Variants in CACNA1E observed in about 807,000 individuals in gnomAD.
The protein encoded by CACNA1E is calcium voltage-gated channel subunit alpha1 E.
A neutral mutation model predicts 259.2 loss-of-function variants in CACNA1E; 40 were observed. That is an observed-to-expected ratio of 0.15 (90% CI 0.12 to 0.20). The LOEUF (loss-of-function observed/expected upper bound fraction) is 0.20. Ranked by LOEUF, CACNA1E falls within the 10% of genes least tolerant of loss-of-function variation. CACNA1E has a pLI of 1.00. For missense variants in CACNA1E, 1,874 were observed against 3,040.1 expected, an observed-to-expected ratio of 0.62 and a Z score of 9.02; for synonymous variants, 1,104 against 1,138.5, an observed-to-expected ratio of 0.97 and a Z score of 0.61.
intron 2 of CACNA1E, among the ~76,000 whole-genome samples, chr1:181,461,232 C>T (rs1661780049): frequency 6.6e-6 from 1 of 152,052 alleles, no homozygotes; most frequent in Non-Finnish European, 1.5e-5. Flanking sequence ...TGATAGTACC[C>T]CTGTGAGATA....
intron 7 of CACNA1E, among the ~76,000 whole-genome samples, chr1:181,677,889 G>C (rs1348417774): frequency 6.6e-6 from 1 of 152,076 alleles, no homozygotes; most frequent in East Asian, 1.9e-4. Flanking sequence ...TTTATTTGTG[G>C]GATAAAAACG....
chr1:181,682,174 C>T (rs556986375), intron 7 of CACNA1E, among the ~76,000 whole-genome samples: 1 of 152,318 alleles, frequency 6.6e-6, no homozygotes, highest in South Asian at 2.1e-4. Context: ...GACCCTTGCC[C>T]TTTGGAGTGC....
At chr1:181,367,380 A>G (rs936205045) in intron 1 of CACNA1E, among the ~76,000 whole-genome samples, 1 of 150,674 alleles carries the variant, frequency 6.6e-6, no homozygotes, top group African/African-American at 2.4e-5. Context: ...TTTTCCCAGG[A>G]CCTCCTGGAT....
chr1:181,719,966 T>C, intron 13 of CACNA1E, 103 bp downstream of exon 13: 2 of 780,760 alleles, frequency 2.6e-6, no homozygotes, highest in Non-Finnish European at 4.1e-6. Context: ...AGGGGGAAAG[T>C]ATCCCTTCCC....
rs1662636267 is a variant in CACNA1E at position 181,806,510 on chromosome 1, A to T, written c.*7676A>T. 6.6e-6 allele frequency: 1 copy of T among 152,156 alleles called. No individual in the cohort carries two copies. Among genetic ancestry groups the T allele is most frequent in the East Asian group, 1.9e-4 (1 of 5,194 alleles). The allele number at this position is 152,156 out of a possible 1,614,324, so 9.4% of individuals were successfully genotyped here. A position where few individuals can be genotyped will look rare whatever the true frequency, so the allele number is the denominator to read the frequency against. On this transcript the variant is annotated 3_prime_UTR_variant, in exon 48 of 48. Coordinates refer to ENST00000367573, the MANE Select transcript of CACNA1E (RefSeq NM_001205293.3). ...AAACGTGCAAGTCATGCCCCACAAG[A>T]CACCTCCTTAGGGCAGCATCCACTG...
At chr1:181,791,460 A>G (rs966382561) in intron 44 of CACNA1E, among the ~76,000 whole-genome samples, 1 of 152,172 alleles carries the variant, frequency 6.6e-6, no homozygotes, top group East Asian at 1.9e-4. Flanking sequence ...GTGACAGAGC[A>G]AGACTCCGTC....
chr1:181,531,951 G>A (rs535236291), intron 3 of CACNA1E, among the ~76,000 whole-genome samples: 1 of 152,224 alleles, frequency 6.6e-6, no homozygotes, highest in Non-Finnish European at 1.5e-5. Flanking sequence ...AGCTACTCAG[G>A]AGGCTGAGGC....
At chr1:181,704,362 A>G (rs1652580220) in intron 7 of CACNA1E, among the ~76,000 whole-genome samples, 1 of 152,172 alleles carries the variant, frequency 6.6e-6, no homozygotes, top group Admixed American at 6.5e-5. Flanking sequence ...ACTGAAATGA[A>G]ACCACTGCCA....
intron 7 of CACNA1E, among the ~76,000 whole-genome samples, chr1:181,656,400 T>TAAAAAGTA (rs1372856071): frequency 6.6e-6 from 1 of 151,924 alleles, no homozygotes; most frequent in Non-Finnish European, 1.5e-5. Flanking sequence ...CAAAAGATTT[T>TAAAAAGTA]AAAAAGTAAA....
At chr1:181,766,020 T>A (rs1388377407) in intron 34 of CACNA1E, among the ~76,000 whole-genome samples, 2 of 152,174 alleles carry the variant, frequency 1.3e-5, no homozygotes, top group Admixed American at 1.3e-4. Flanking sequence ...TACTGGGAAA[T>A]GACATTTCAT....
intron 7 of CACNA1E, among the ~76,000 whole-genome samples, chr1:181,663,040 C>G (rs772433377): frequency 6.6e-6 from 1 of 152,144 alleles, no homozygotes; most frequent in Non-Finnish European, 1.5e-5. Flanking sequence ...GTCTATACCC[C>G]CCAATCTCAT....
At chr1:181,454,821 C>A (rs1253288648) in intron 2 of CACNA1E, among the ~76,000 whole-genome samples, 1 of 152,118 alleles carries the variant, frequency 6.6e-6, no homozygotes, top group Non-Finnish European at 1.5e-5. Flanking sequence ...CTAGGCTTTG[C>A]GTACTACAGG....
At chr1:181,721,014 A>T (rs1572698554) in intron 15 of CACNA1E, among the ~76,000 whole-genome samples, 159 bp downstream of exon 15, 3 of 152,142 alleles carry the variant, frequency 2.0e-5, no homozygotes, top group African/African-American at 7.2e-5. Flanking sequence ...TACTACAATA[A>T]TCCCTAGAAC....
intron 1 of CACNA1E, among the ~76,000 whole-genome samples, chr1:181,339,274 A>G (rs527794202): frequency 2.0e-5 from 3 of 152,162 alleles, no homozygotes; most frequent in Non-Finnish European, 2.9e-5. Context: ...TAACAATATT[A>G]ATTCTTCTAA....
intron 2 of CACNA1E, among the ~76,000 whole-genome samples, chr1:181,414,306 T>C (rs1274474361): frequency 6.6e-6 from 1 of 152,218 alleles, no homozygotes; most frequent in Non-Finnish European, 1.5e-5. Context: ...TCATCTCTTC[T>C]TGCTTTAGAT....
At chr1:181,429,566 T>G (rs1488222231) in intron 2 of CACNA1E, among the ~76,000 whole-genome samples, 1 of 152,224 alleles carries the variant, frequency 6.6e-6, no homozygotes, top group Non-Finnish European at 1.5e-5. Flanking sequence ...CCTGGGTCTA[T>G]TGCTCAGGAG....
Position 181,722,775 on chromosome 1 carries a change from T to G in CACNA1E, c.2074+900T>G, listed in dbSNP as rs1468190887. 3.3e-5 allele frequency among the ~76,000 whole-genome samples: 5 copies of G among 152,280 alleles called. No individual in the cohort carries two copies. In the East Asian group the frequency reaches 9.6e-4, roughly 29 times the overall value. On this transcript the variant is annotated intron_variant, in intron 16 of 47. Transcript: ENST00000367573. ...GCAGAACCATGGGACGCAGGTGTAT[T>G]TTTGCATTTTCCATAGTTTCATAGA...
At chr1:181,633,392 T>C (rs1656924282) in intron 6 of CACNA1E, among the ~76,000 whole-genome samples, 1 of 152,106 alleles carries the variant, frequency 6.6e-6, no homozygotes, top group South Asian at 2.1e-4. Context: ...ATTCATGCAA[T>C]GTAGAGATGA....
chr1:181,779,443 C>A, intron 38 of CACNA1E: 1 of 445,948 alleles, frequency 2.2e-6, no homozygotes, highest in Non-Finnish European at 4.5e-6. Flanking sequence ...TCCTTTACAG[C>A]GGCAGGATCC....
Sources: gnomAD v4.1 joint callset for allele counts (sites outside exome capture counted in the v4.1 genomes callset) on GRCh38, gnomAD v4.1.1 for gene constraint, MANE v1.5 for transcripts, NCBI Gene and HGNC (gene_info 2026-07-23, HGNC 2026-07-21) for gene names.